The following KIAA0825 variants were observed in gnomAD, a reference collection of about 807,000 sequenced individuals.
KIAA0825 encodes the protein uncharacterized protein KIAA0825.
Under a neutral mutation model 147.6 loss-of-function variants are expected in KIAA0825, and 119 were observed. The observed-to-expected ratio is 0.81, with a 90% CI of 0.69 to 0.94. The LOEUF is 0.94. KIAA0825 is among the 40% of genes least tolerant of loss of function. The pLI is 0.00. For missense variants in KIAA0825, 1,381 were observed against 1,472.7 expected, an observed-to-expected ratio of 0.94 and a Z score of 1.02; for synonymous variants, 470 against 518.1, an observed-to-expected ratio of 0.91 and a Z score of 1.26.
intron 15 of KIAA0825, among the ~76,000 whole-genome samples, chr5:94,405,813 A>C (rs1039396620): frequency 6.6e-6 from 1 of 152,176 alleles, no homozygotes; most frequent in Non-Finnish European, 1.5e-5. Context: ...GCAATCCACA[A>C]TCTCTAAGTA....
At chr5:94,205,212 A>G (rs1169394493) in intron 20 of KIAA0825, among the ~76,000 whole-genome samples, 1 of 141,900 alleles carries the variant, frequency 7.0e-6, no homozygotes, top group Non-Finnish European at 1.5e-5. Context: ...ATGTGTAATT[A>G]TTTTTACACT....
At chr5:94,427,803 G>C (rs886582270) in intron 14 of KIAA0825, among the ~76,000 whole-genome samples, 4 of 152,100 alleles carry the variant, frequency 2.6e-5, no homozygotes, top group African/African-American at 9.7e-5. Context: ...CATAGGTCTA[G>C]ATATGAAACA....
At chr5:94,207,872 C>T (rs1442235591) in intron 20 of KIAA0825, among the ~76,000 whole-genome samples, 1 of 152,116 alleles carries the variant, frequency 6.6e-6, no homozygotes, top group Non-Finnish European at 1.5e-5. Context: ...GGCTTCCATG[C>T]TTTATGCTAT....
intron 20 of KIAA0825, among the ~76,000 whole-genome samples, chr5:94,211,497 G>T (rs1212614647): frequency 2.0e-5 from 3 of 152,024 alleles, no homozygotes; most frequent in Non-Finnish European, 4.4e-5. Context: ...CCTTCACATG[G>T]TCAGTGTTCC....
At chr5:94,277,138 C>T (rs1259400067) in intron 20 of KIAA0825, among the ~76,000 whole-genome samples, 1 of 152,108 alleles carries the variant, frequency 6.6e-6, no homozygotes. Context: ...TCATTTGATA[C>T]TCTGTTTTAT....
chr5:94,383,642 C>T (rs1748729347), intron 20 of KIAA0825, among the ~76,000 whole-genome samples: 1 of 152,078 alleles, frequency 6.6e-6, no homozygotes, highest in South Asian at 2.1e-4. Context: ...TTAAAGTTTA[C>T]ACCTTATAGT....
At chr5:94,467,665 A>C (rs954666127) in intron 10 of KIAA0825, among the ~76,000 whole-genome samples, 1 of 152,236 alleles carries the variant, frequency 6.6e-6, no homozygotes, top group Non-Finnish European at 1.5e-5. Context: ...ATCACAAAAC[A>C]TGAGCAAACA....
intron 20 of KIAA0825, among the ~76,000 whole-genome samples, chr5:94,219,547 G>C (rs1773505022): frequency 6.6e-6 from 1 of 152,106 alleles, no homozygotes; most frequent in Admixed American, 6.6e-5. Flanking sequence ...GAAATGCATT[G>C]ATAGGCAACT....
chr5:94,264,124 T>C (rs1020135406), intron 20 of KIAA0825, among the ~76,000 whole-genome samples: 2 of 152,188 alleles, frequency 1.3e-5, no homozygotes, highest in Non-Finnish European at 2.9e-5. Context: ...ATTCCTCTTA[T>C]TCAATCTCAT....
Position 94,396,457 on chromosome 5 carries a change from A to T in KIAA0825, c.2940T>A (p.Pro980=). The change falls in exon 17 of 21, where the codon CCT becomes CCA. Residue 980 remains proline, a synonymous_variant. Transcript: ENST00000682413. Reference sequence around the variant, plus strand: ...GGGGAGGCAAACATGCAATCACCGTAGGTAACTTGCTGATTACAATAGATA... The same window carrying T: ...GGGGAGGCAAACATGCAATCACCGTTGGTAACTTGCTGATTACAATAGATA... ...QAVSIVISKL[P]TVIACLPPPV... The T allele has an allele frequency of 1.3e-6, 2 of 1,536,286 alleles. No homozygotes were observed. The highest frequency in any genetic ancestry group is 8.8e-7 in the Non-Finnish European group (1 of 1,140,372).
chr5:94,265,490 C>T (rs1286252107), intron 20 of KIAA0825, among the ~76,000 whole-genome samples: 1 of 152,104 alleles, frequency 6.6e-6, no homozygotes, highest in Non-Finnish European at 1.5e-5. Flanking sequence ...TTCACTGCCA[C>T]GTACTTATAT....
intron 20 of KIAA0825, among the ~76,000 whole-genome samples, chr5:94,190,079 CTG>C (rs1770523221): frequency 6.6e-6 from 1 of 151,938 alleles, no homozygotes; most frequent in Non-Finnish European, 1.5e-5. Context: ...TTATTATTAA[CTG>C]TTTTTTTGCT....
chr5:94,259,833 A>C (rs1471142695), intron 20 of KIAA0825, among the ~76,000 whole-genome samples: 1 of 151,900 alleles, frequency 6.6e-6, no homozygotes, highest in Non-Finnish European at 1.5e-5. Context: ...TAATCTAAGC[A>C]GTAGCATTGC....
At chr5:94,323,918 A>T (rs1297503316) in intron 20 of KIAA0825, among the ~76,000 whole-genome samples, 1 of 152,002 alleles carries the variant, frequency 6.6e-6, no homozygotes, top group African/African-American at 2.4e-5. Context: ...CTGAAAATAC[A>T]TTTAAAAGGT....
intron 12 of KIAA0825, among the ~76,000 whole-genome samples, chr5:94,455,662 G>A (rs1759011015): frequency 6.6e-6 from 1 of 152,164 alleles, no homozygotes; most frequent in Non-Finnish European, 1.5e-5. Flanking sequence ...ATTGGGAAAA[G>A]AGACATATTG....
chr5:94,271,271 C>T (rs1776969942), intron 20 of KIAA0825, among the ~76,000 whole-genome samples: 1 of 152,028 alleles, frequency 6.6e-6, no homozygotes, highest in Admixed American at 6.6e-5. Flanking sequence ...CAAATGGGAT[C>T]ACATCAAGTT....
chr5:94,453,139 G>A lies in KIAA0825; in HGVS notation c.2247-70C>T, dbSNP rs550405645. ...AACTATGACCATTGAAATAACTTTT[G>A]ATTTTTACTTAGGATTCAGTTAATG... On this transcript the variant is annotated intron_variant, in intron 12 of 20. Transcript: ENST00000682413. 71 of 786,600 alleles carry A rather than the reference G, an allele frequency of 9.0e-5. No homozygotes were observed. In the African/African-American group the frequency reaches 1.2e-3, roughly 13 times the overall value. The allele number at this position is 786,600 out of a possible 1,614,324, so 48.7% of individuals were successfully genotyped here. A position where few individuals can be genotyped will look rare whatever the true frequency, so the allele number is the denominator to read the frequency against.
At position 94,417,338 on chromosome 5, in the gene KIAA0825, A is replaced by AGCTT. The variant is rs1400318550; in HGVS notation, c.2524_2525insAAGC (p.Leu842GlnfsTer14). 6.5e-7 allele frequency: 1 copy of AGCTT among 1,547,426 alleles called. No individual in the cohort carries two copies. Among genetic ancestry groups the AGCTT allele is most frequent in the African/African-American group, 1.4e-5 (1 of 72,974 alleles). ...TTCCATCAAGCTGGGTCCTTGGTTC[A>AGCTT]GGTTATTTTCTGTGTCGGAAACTTG... On this transcript the variant is annotated frameshift_variant, in exon 15 of 21. Transcript: ENST00000682413. LOFTEE classifies it high-confidence loss of function.
intron 20 of KIAA0825, among the ~76,000 whole-genome samples, chr5:94,191,063 A>G (rs142729585): frequency 9.0e-4 from 137 of 152,308 alleles, no homozygotes; most frequent in African/African-American, 3.2e-3. Context: ...TATGTTACAA[A>G]GTTGACAACT....
Sources: gnomAD v4.1 joint callset for allele counts (sites outside exome capture counted in the v4.1 genomes callset) on GRCh38, gnomAD v4.1.1 for gene constraint, MANE v1.5 for transcripts, NCBI Gene and HGNC (gene_info 2026-07-23, HGNC 2026-07-21) for gene names.